Variants in MCC observed in about 807,000 individuals in gnomAD.
The protein encoded by MCC is colorectal mutant cancer protein.
In MCC, 90 loss-of-function variants were observed where a neutral mutation model predicts 116.2. The ratio of observed to expected loss-of-function variants is 0.77; its 90% CI spans 0.65 to 0.92. MCC has a LOEUF of 0.92. Among genes scored for constraint, MCC ranks in the 40% least tolerant of loss-of-function variants. The pLI, the probability that MCC is intolerant of heterozygous loss-of-function variation, is 0.00. For synonymous variants in MCC, 578 were observed against 510.5 expected, an observed-to-expected ratio of 1.13 and a Z score of -1.78; for missense variants, 1,516 against 1,312.2, an observed-to-expected ratio of 1.16 and a Z score of -2.40.
At chr5:113,206,614 C>T (rs1429206477) in intron 3 of MCC, among the ~76,000 whole-genome samples, 1 of 152,126 alleles carries the variant, frequency 6.6e-6, no homozygotes, top group Admixed American at 6.5e-5. Context: ...GATGCTGAGG[C>T]ACAAGAATCC....
At chr5:113,425,813 T>C (rs963531963) in intron 1 of MCC, among the ~76,000 whole-genome samples, 9 of 152,096 alleles carry the variant, frequency 5.9e-5, no homozygotes, top group Admixed American at 2.0e-4. Context: ...AGTATCTATC[T>C]GACTTCTTAA....
At chr5:113,100,453 T>C (rs948269845) in intron 8 of MCC, among the ~76,000 whole-genome samples, 5 of 147,286 alleles carry the variant, frequency 3.4e-5, no homozygotes, top group African/African-American at 9.9e-5. Flanking sequence ...ACCCACTAGA[T>C]GTATTTTTCC....
At chr5:113,056,720 TAAAATA>T (rs1022168586) in intron 14 of MCC, among the ~76,000 whole-genome samples, 21 of 151,300 alleles carry the variant, frequency 1.4e-4, no homozygotes, top group African/African-American at 4.2e-4. Context: ...CCCCTGAACT[TAAAATA>T]AAAGTAAAAA....
chr5:113,298,667 G>C (rs1223307762), intron 3 of MCC, among the ~76,000 whole-genome samples: 6 of 152,156 alleles, frequency 3.9e-5, no homozygotes, highest in Admixed American at 3.9e-4. Flanking sequence ...AAAACTATGA[G>C]ATTAGCTTTG....
In MCC at chr5:113,025,120, G is replaced by GTGTC. The variant is rs1750444727; in HGVS notation, c.*2178_*2181dup. The GTGTC allele has an allele frequency of 1.3e-5, 2 of 152,068 alleles. No individual in the cohort carries two copies. Among genetic ancestry groups the GTGTC allele is most frequent in the African/African-American group, 4.8e-5 (2 of 41,414 alleles). 9.4% of individuals were successfully genotyped at this position (152,068 alleles called of 1,614,324 possible). On this transcript the variant is annotated 3_prime_UTR_variant, in exon 19 of 19. Coordinates refer to ENST00000408903, the MANE Select transcript of MCC (RefSeq NM_001085377.2). ...ATTCCTGCTTCAGCCACATGTTTCT[G>GTGTC]TGTCAGTGAAAATGAAAACTGCCCA...
At chr5:113,356,118 A>C (rs1464163) in intron 2 of MCC, among the ~76,000 whole-genome samples, 2 of 148,212 alleles carry the variant, frequency 1.3e-5, no homozygotes, top group Non-Finnish European at 3.0e-5. Context: ...GCTAGAATGC[A>C]GTGGTACAAT....
At chr5:113,382,475 A>T (rs1038072759) in intron 2 of MCC, among the ~76,000 whole-genome samples, 4 of 151,846 alleles carry the variant, frequency 2.6e-5, no homozygotes, top group Non-Finnish European at 5.9e-5. Flanking sequence ...GCTAGTTTCA[A>T]ACTTGTGACC....
At chr5:113,182,994 G>A (rs1338451355) in intron 3 of MCC, among the ~76,000 whole-genome samples, 3 of 152,234 alleles carry the variant, frequency 2.0e-5, no homozygotes, top group African/African-American at 7.2e-5. Flanking sequence ...GAAGGCATTT[G>A]AGCTAAGTTT....
chr5:113,461,130 G>A (rs1444944177), intron 1 of MCC, among the ~76,000 whole-genome samples: 1 of 152,124 alleles, frequency 6.6e-6, no homozygotes. Context: ...GCATGGTGGT[G>A]CACACCTGCA....
chr5:113,140,415 G>A (rs1759108761), intron 5 of MCC, among the ~76,000 whole-genome samples: 1 of 152,134 alleles, frequency 6.6e-6, no homozygotes, highest in Non-Finnish European at 1.5e-5. Context: ...AAATTCTCAC[G>A]ATTTCACCTT....
At chr5:113,459,785 G>A (rs1329252360) in intron 1 of MCC, among the ~76,000 whole-genome samples, 1 of 150,042 alleles carries the variant, frequency 6.7e-6, no homozygotes, top group Non-Finnish European at 1.5e-5. Flanking sequence ...CTAGATAACA[G>A]ATATCCCTTG....
Position 113,248,630 on chromosome 5 carries a change from A to G in MCC, c.627+91889T>C, listed in dbSNP as rs186003481. Among the ~76,000 whole-genome samples the G allele has an allele frequency of 1.1e-3, 166 of 152,206 alleles. 1 individual carries two copies. Among genetic ancestry groups the G allele is most frequent in the African/African-American group, 3.8e-3 (157 of 41,530 alleles). On this transcript the variant is annotated intron_variant, in intron 3 of 18. Coordinates refer to ENST00000408903, the MANE Select transcript of MCC (RefSeq NM_001085377.2). Reference sequence around the variant, plus strand: ...GTGTTGAAACCCCGGTTGACCCTCTAAATGCCAAGAGACATAGTTCAAGTC... The same window carrying G: ...GTGTTGAAACCCCGGTTGACCCTCTGAATGCCAAGAGACATAGTTCAAGTC...
intron 3 of MCC, among the ~76,000 whole-genome samples, chr5:113,299,498 T>C (rs1412295132): frequency 6.6e-6 from 1 of 152,136 alleles, no homozygotes; most frequent in Admixed American, 6.5e-5. Context: ...GCTAAGATAC[T>C]GCTTTGAACA....
chr5:113,133,208 T>C (rs913895110), intron 5 of MCC, among the ~76,000 whole-genome samples: 15 of 152,184 alleles, frequency 9.9e-5, no homozygotes, highest in Non-Finnish European at 1.5e-4. Context: ...AGTCACTCTA[T>C]TGAATTATCA....
intron 5 of MCC, among the ~76,000 whole-genome samples, chr5:113,140,690 C>A (rs1759123739): frequency 1.3e-5 from 2 of 152,086 alleles, no homozygotes; most frequent in African/African-American, 4.8e-5. Flanking sequence ...ATAAACTATG[C>A]CCTTAATAAT....
chr5:113,177,610 T>C (rs1280581470), intron 3 of MCC, among the ~76,000 whole-genome samples: 1 of 152,244 alleles, frequency 6.6e-6, no homozygotes, highest in African/African-American at 2.4e-5. Flanking sequence ...AAGTACATTT[T>C]GCCATTAAAG....
At chr5:113,046,675 A>C (rs1752094071) in intron 16 of MCC, among the ~76,000 whole-genome samples, 1 of 137,372 alleles carries the variant, frequency 7.3e-6, no homozygotes, top group Non-Finnish European at 1.5e-5. Flanking sequence ...CTGCTAACAA[A>C]CTCAAAAGGC....
chr5:113,439,885 GAC>G (rs1770982973), intron 1 of MCC, among the ~76,000 whole-genome samples: 2 of 152,050 alleles, frequency 1.3e-5, no homozygotes, highest in Non-Finnish European at 2.9e-5. Flanking sequence ...TATTTTTACA[GAC>G]AGAGTTTTGC....
chr5:113,083,767 G>A (rs1206053045), intron 10 of MCC, among the ~76,000 whole-genome samples: 1 of 152,092 alleles, frequency 6.6e-6, no homozygotes, highest in Admixed American at 6.5e-5. Context: ...AGTTATTTTA[G>A]AGCTCTTGGT....
Sources: allele counts gnomAD v4.1 joint callset (sites outside exome capture counted in the v4.1 genomes callset), GRCh38; gene constraint gnomAD v4.1.1; transcripts MANE v1.5; gene names NCBI Gene and HGNC (gene_info 2026-07-23, HGNC 2026-07-21).